FOXP2: variants seen among roughly 807,000 people sequenced by gnomAD.
FOXP2 encodes the protein forkhead box protein P2.
A neutral mutation model predicts 115.8 loss-of-function variants in FOXP2; 12 were observed. The ratio of observed to expected loss-of-function variants is 0.10; its 90% CI spans 0.07 to 0.17. FOXP2 has a LOEUF of 0.17. FOXP2 is among the 10% of genes least tolerant of loss of function. The pLI, the probability that FOXP2 is intolerant of heterozygous loss-of-function variation, is 1.00. For missense variants in FOXP2, 629 were observed against 843.5 expected, an observed-to-expected ratio of 0.75 and a Z score of 3.15; for synonymous variants, 328 against 297.7, an observed-to-expected ratio of 1.10 and a Z score of -1.05.
intron 2 of FOXP2, among the ~76,000 whole-genome samples, chr7:114,488,207 A>G (rs940191189): frequency 6.6e-6 from 1 of 152,130 alleles, no homozygotes; most frequent in Admixed American, 6.6e-5. Flanking sequence ...CATCAGATCT[A>G]GTGAGATTTA....
chr7:114,574,355 T>C (rs566753255), intron 3 of FOXP2, among the ~76,000 whole-genome samples: 1 of 151,956 alleles, frequency 6.6e-6, no homozygotes, highest in South Asian at 2.1e-4. Context: ...GCTTCATTGT[T>C]AGAGAATACT....
chr7:114,118,203 A>G (rs1317542208), intron 1 of FOXP2, among the ~76,000 whole-genome samples: 2 of 152,150 alleles, frequency 1.3e-5, no homozygotes, highest in African/African-American at 4.8e-5. Flanking sequence ...AAGAATGGGA[A>G]GTTCTAATAG....
At chr7:114,136,126 T>C (rs1449726485) in intron 1 of FOXP2, among the ~76,000 whole-genome samples, 1 of 152,108 alleles carries the variant, frequency 6.6e-6, no homozygotes, top group Non-Finnish European at 1.5e-5. Flanking sequence ...CTCTTCTTGC[T>C]ACTATAGGTT....
At chr7:114,311,898 T>C (rs1198517390) in intron 2 of FOXP2, among the ~76,000 whole-genome samples, 1 of 152,212 alleles carries the variant, frequency 6.6e-6, no homozygotes, top group African/African-American at 2.4e-5. Context: ...TCTTTTGTTT[T>C]TGCCCCTCTA....
At chr7:114,525,761 C>T (rs949303680) in intron 2 of FOXP2, among the ~76,000 whole-genome samples, 3 of 152,128 alleles carry the variant, frequency 2.0e-5, no homozygotes, top group African/African-American at 2.4e-5. Flanking sequence ...CCTGCTGCTG[C>T]TCCTTAATTT....
intron 3 of FOXP2, among the ~76,000 whole-genome samples, chr7:114,549,641 C>T (rs978730201): frequency 4.6e-5 from 7 of 152,126 alleles, no homozygotes; most frequent in Non-Finnish European, 8.8e-5. Flanking sequence ...GCTGTAAATG[C>T]ATAATGATTT....
chr7:114,413,905 TG>T (rs1474335261), upstream of FOXP2, among the ~76,000 whole-genome samples: 1 of 152,038 alleles, frequency 6.6e-6, no homozygotes, highest in Non-Finnish European at 1.5e-5. Flanking sequence ...AAGTTGTAGG[TG>T]GGGTGCTGTT....
At chr7:114,196,163 C>T (rs1231381220) in intron 1 of FOXP2, among the ~76,000 whole-genome samples, 1 of 152,026 alleles carries the variant, frequency 6.6e-6, no homozygotes, top group African/African-American at 2.4e-5. Context: ...GGGCGCGCGT[C>T]ACCACGCCCA....
At chr7:114,473,233 A>G (rs1332728594) in intron 2 of FOXP2, among the ~76,000 whole-genome samples, 1 of 152,164 alleles carries the variant, frequency 6.6e-6, no homozygotes, top group Non-Finnish European at 1.5e-5. Context: ...ACTGATTTCT[A>G]AAAGTAAATA....
intron 8 of FOXP2, among the ~76,000 whole-genome samples, chr7:114,650,193 A>G (rs1806165796): frequency 6.6e-6 from 1 of 152,088 alleles, no homozygotes; most frequent in Non-Finnish European, 1.5e-5. Context: ...TTCTTTAAAT[A>G]TAAGATCATG....
intron 2 of FOXP2, among the ~76,000 whole-genome samples, chr7:114,390,526 T>TTATGTATTTATTTATG (rs1460063546): frequency 6.6e-4 from 92 of 138,478 alleles, no homozygotes; most frequent in Non-Finnish European, 1.2e-3. Context: ...ATTTATGTAT[T>TTATGTATTTATTTATG]TATTTATTTA....
At chr7:114,682,105 A>G (rs1435173650) in intron 16 of FOXP2, among the ~76,000 whole-genome samples, 4 of 152,178 alleles carry the variant, frequency 2.6e-5, no homozygotes, top group African/African-American at 4.8e-5. Flanking sequence ...TGTATAAGGT[A>G]GTCACTGTTT....
chr7:114,100,124 A>G (rs1479683735), intron 1 of FOXP2, among the ~76,000 whole-genome samples: 1 of 152,158 alleles, frequency 6.6e-6, no homozygotes, highest in Non-Finnish European at 1.5e-5. Flanking sequence ...AATTGATACA[A>G]AGTTCTTCCT....
chr7:114,418,702 A>C (rs1361614548), intron 1 of FOXP2, among the ~76,000 whole-genome samples: 1 of 151,846 alleles, frequency 6.6e-6, no homozygotes, highest in Non-Finnish European at 1.5e-5. Flanking sequence ...ACAGAAGGTC[A>C]ATGGCTTTTT....
chr7:114,108,978 T>C (rs1791197196), intron 1 of FOXP2, among the ~76,000 whole-genome samples: 1 of 151,942 alleles, frequency 6.6e-6, no homozygotes, highest in Admixed American at 6.6e-5. Context: ...ACAAGGTAAT[T>C]TCATAAAACA....
chr7:114,587,879 A>AT, intron 3 of FOXP2, among the ~76,000 whole-genome samples: 1,101 of 73,084 alleles, frequency 0.015, 159 homozygotes, highest in East Asian at 0.025. Context: ...AGAGATAATT[A>AT]AATCCACCTT....
intron 3 of FOXP2, among the ~76,000 whole-genome samples, chr7:114,608,637 A>T (rs1248961211): frequency 1.3e-5 from 2 of 152,162 alleles, no homozygotes; most frequent in Non-Finnish European, 2.9e-5. Context: ...TTATATAAAG[A>T]CTTGGATCAT....
At chr7:114,271,359 A>G (rs894800321) in intron 1 of FOXP2, among the ~76,000 whole-genome samples, 3 of 150,042 alleles carry the variant, frequency 2.0e-5, no homozygotes, top group South Asian at 4.2e-4. Flanking sequence ...CTTGCAATGG[A>G]TATTAGTAGG....
chr7:114,460,990 A>G (rs985319624), intron 2 of FOXP2, among the ~76,000 whole-genome samples: 4 of 152,158 alleles, frequency 2.6e-5, no homozygotes, highest in African/African-American at 9.7e-5. Flanking sequence ...ATTGACGGGA[A>G]GGTGTCTGCT....
Sources: gnomAD v4.1 joint callset for allele counts (sites outside exome capture counted in the v4.1 genomes callset) on GRCh38, gnomAD v4.1.1 for gene constraint, MANE v1.5 for transcripts, NCBI Gene and HGNC (gene_info 2026-07-23, HGNC 2026-07-21) for gene names.